Variants in GABRB1 observed in about 807,000 individuals in gnomAD.
GABRB1 encodes the protein gamma-aminobutyric acid type A receptor subunit beta1, also known as gamma-aminobutyric acid receptor subunit beta-1.
In GABRB1, 17 loss-of-function variants were observed where a neutral mutation model predicts 51.6. The ratio of observed to expected loss-of-function variants is 0.33; its 90% CI spans 0.23 to 0.49. The LOEUF (loss-of-function observed/expected upper bound fraction) is 0.49, where lower values mean the gene tolerates loss of function less well. GABRB1 is among the 20% of genes least tolerant of loss of function. GABRB1 has a pLI of 0.99. For missense variants in GABRB1, 410 were observed against 600.6 expected (o/e 0.68, Z 3.32); for synonymous variants, 247 against 218.9 (o/e 1.13, Z -1.14).
chr4:47,040,588 C>A (rs1017746081), intron 3 of GABRB1, among the ~76,000 whole-genome samples: 1 of 152,006 alleles, frequency 6.6e-6, no homozygotes, highest in African/African-American at 2.4e-5. Context: ...GAAGTGGACA[C>A]ATTTTCAGGA....
rs1578011461 is a variant in GABRB1, at chr4:47,220,788, C to A, written c.461+59319C>A. Among the ~76,000 whole-genome samples, 6 of 152,008 alleles carry A rather than the reference C, an allele frequency of 3.9e-5. No homozygotes were observed. In the South Asian group the frequency reaches 1.2e-3, roughly 32 times the overall value. ...TTTTGGGTTTCAGTGCCCCCCCTTT[C>A]ATCTATTATCTTGCTCTCATAATGT... On this transcript the variant is annotated intron_variant, in intron 4 of 8. Transcript: ENST00000295454.
At chr4:47,116,807 A>G (rs1023216650) in intron 3 of GABRB1, among the ~76,000 whole-genome samples, 4 of 152,160 alleles carry the variant, frequency 2.6e-5, no homozygotes, top group African/African-American at 9.7e-5. Context: ...TCACAGTTCC[A>G]CAGGCTGTAC....
At chr4:47,362,422 A>G (rs1726840237) in intron 5 of GABRB1, among the ~76,000 whole-genome samples, 2 of 152,162 alleles carry the variant, frequency 1.3e-5, no homozygotes, top group African/African-American at 4.8e-5. Context: ...TAAAATTTAT[A>G]TCTGTAATGA....
intron 8 of GABRB1, among the ~76,000 whole-genome samples, chr4:47,413,370 A>G (rs575465076): frequency 6.6e-6 from 1 of 152,288 alleles, no homozygotes; most frequent in East Asian, 1.9e-4. Flanking sequence ...TAACTTTCTT[A>G]TCCTCTTCTA....
At chr4:47,170,361 C>G (rs1718384189) in intron 4 of GABRB1, among the ~76,000 whole-genome samples, 1 of 149,526 alleles carries the variant, frequency 6.7e-6, no homozygotes, top group Admixed American at 6.8e-5. Flanking sequence ...GGGCAATTAT[C>G]TTGATAATAC....
intron 5 of GABRB1, among the ~76,000 whole-genome samples, chr4:47,338,728 C>A (rs1725785510): frequency 6.6e-6 from 1 of 152,172 alleles, no homozygotes; most frequent in African/African-American, 2.4e-5. Flanking sequence ...ATTGCTCAGC[C>A]CGCTTGGTAG....
chr4:47,181,976 T>A (rs927302984), intron 4 of GABRB1, among the ~76,000 whole-genome samples: 1 of 152,030 alleles, frequency 6.6e-6, no homozygotes, highest in African/African-American at 2.4e-5. Flanking sequence ...GGATGGCCAA[T>A]GTTCTAGTCT....
intron 5 of GABRB1, among the ~76,000 whole-genome samples, chr4:47,332,697 A>T (rs1414613094): frequency 1.3e-5 from 2 of 152,136 alleles, no homozygotes; most frequent in African/African-American, 4.8e-5. Context: ...CACATTTGAC[A>T]GCCACTGCTC....
At chr4:47,283,291 T>C (rs1229914419) in intron 4 of GABRB1, among the ~76,000 whole-genome samples, 1 of 148,044 alleles carries the variant, frequency 6.8e-6, no homozygotes, top group African/African-American at 2.5e-5. Context: ...CATTTGTAGA[T>C]GAGGGAAAGA....
chr4:47,384,652 A>G (rs529484103), intron 5 of GABRB1, among the ~76,000 whole-genome samples: 1 of 152,312 alleles, frequency 6.6e-6, no homozygotes, highest in East Asian at 1.9e-4. Flanking sequence ...CAGGCCAAGA[A>G]TAACACTGTT....
intron 3 of GABRB1, among the ~76,000 whole-genome samples, chr4:47,057,209 T>C (rs1354364655): frequency 6.6e-6 from 1 of 152,198 alleles, no homozygotes; most frequent in Non-Finnish European, 1.5e-5. Flanking sequence ...GAGTAAATGA[T>C]CTGAGGAATC....
At chr4:47,369,024 C>T (rs538584015) in intron 5 of GABRB1, among the ~76,000 whole-genome samples, 4 of 152,256 alleles carry the variant, frequency 2.6e-5, no homozygotes, top group African/African-American at 4.8e-5. Context: ...AGGAGAATTG[C>T]GTGAACCCAG....
chr4:47,324,188 T>C (rs1275370216), intron 5 of GABRB1, among the ~76,000 whole-genome samples: 1 of 152,146 alleles, frequency 6.6e-6, no homozygotes, highest in African/African-American at 2.4e-5. Flanking sequence ...TTTTCACTTA[T>C]CTTCTTTAAA....
At chr4:47,148,223 G>A (rs950159948) in intron 3 of GABRB1, among the ~76,000 whole-genome samples, 19 of 152,152 alleles carry the variant, frequency 1.2e-4, no homozygotes, top group African/African-American at 4.6e-4. Flanking sequence ...TGGAGTGTTT[G>A]ATTGTACCAG....
intron 4 of GABRB1, among the ~76,000 whole-genome samples, chr4:47,223,624 C>T (rs1173879568): frequency 6.6e-6 from 1 of 151,934 alleles, no homozygotes; most frequent in Non-Finnish European, 1.5e-5. Flanking sequence ...AAGGATATGG[C>T]TTTTGGAACA....
At chr4:47,279,823 C>T (rs1233946681) in intron 4 of GABRB1, among the ~76,000 whole-genome samples, 2 of 150,816 alleles carry the variant, frequency 1.3e-5, no homozygotes, top group African/African-American at 2.4e-5. Flanking sequence ...AGTGAGTTTC[C>T]TGAATGCTGA....
Position 47,161,376 on chromosome 4 carries a change from T to A in GABRB1, c.368T>A (p.Phe123Tyr), listed in dbSNP as rs1407138843. ...ADQLWVPDTY[F>Y]LNDKKSFVHG... ...CAACTCTGGGTACCAGACACCTACT[T>A]TCTGAATGACAAGAAATCATTTGTG... is the stretch of plus-strand genomic sequence containing the variant. The change falls in exon 4 of 9, where the codon TTT (phenylalanine) becomes TAT (tyrosine). Residue 123 changes from phenylalanine (F) to tyrosine (Y), a missense_variant. Around this residue, in one of 5 missense-constraint regions of GABRB1, gnomAD observed 100 missense variants for 184.3 expected, o/e 0.54. Coordinates refer to ENST00000295454, the MANE Select transcript of GABRB1 (RefSeq NM_000812.4). 6 of 1,612,856 alleles carry A rather than the reference T, an allele frequency of 3.7e-6. No homozygotes were observed. Among genetic ancestry groups the A allele is most frequent in the Non-Finnish European group, 5.1e-6 (6 of 1,179,294 alleles).
At chr4:47,144,761 T>A (rs1425094758) in intron 3 of GABRB1, among the ~76,000 whole-genome samples, 1 of 151,648 alleles carries the variant, frequency 6.6e-6, no homozygotes, top group Non-Finnish European at 1.5e-5. Context: ...AGCACAGCAA[T>A]GGATTTTAGG....
chr4:47,100,941 A>T (rs1042737316), intron 3 of GABRB1, among the ~76,000 whole-genome samples: 1 of 152,002 alleles, frequency 6.6e-6, no homozygotes, highest in Non-Finnish European at 1.5e-5. Flanking sequence ...TGTCAAGGAG[A>T]TAGGCAAATA....
Sources: gnomAD v4.1 joint callset for allele counts (sites outside exome capture counted in the v4.1 genomes callset) on GRCh38, gnomAD v4.1.1 for gene constraint, gnomAD v4.1.1 regional missense constraint, MANE v1.5 for transcripts, NCBI Gene and HGNC (gene_info 2026-07-23, HGNC 2026-07-21) for gene names.